The following PCDH15 variants were observed in gnomAD, a reference collection of about 807,000 sequenced individuals.
The protein encoded by PCDH15 is protocadherin-15.
PCDH15 carries 129 observed loss-of-function variants against 178.5 expected under a neutral mutation model. The observed-to-expected ratio is 0.72, with a 90% CI of 0.63 to 0.84. The LOEUF is 0.84. PCDH15 is among the 40% of genes least tolerant of loss of function. The pLI is 0.00. For synonymous variants in PCDH15, 800 were observed against 732.0 expected (o/e 1.09, Z -1.50); for missense variants, 2,230 against 2,099.9 (o/e 1.06, Z -1.21).
At chr10:55,076,133 CT>C (rs948144876) in intron 2 of PCDH15, among the ~76,000 whole-genome samples, 2 of 152,026 alleles carry the variant, frequency 1.3e-5, no homozygotes, top group African/African-American at 4.8e-5. Flanking sequence ...AAAAATGAGA[CT>C]TGTTTTGTAA....
In PCDH15 at chr10:53,803,714, A is replaced by G. The variant is rs1589051017; in HGVS notation, c.*2865T>C. The G allele has an allele frequency of 6.6e-6, 1 of 151,918 alleles. No individual in the cohort carries two copies. The highest frequency in any genetic ancestry group is 2.1e-4 in the South Asian group (1 of 4,832). 9.4% of individuals were successfully genotyped at this position (151,918 alleles called of 1,614,324 possible). A position where few individuals can be genotyped will look rare whatever the true frequency, so the allele number is the denominator to read the frequency against. ...ACAAATGTCCTATGTCACTCTGACC[A>G]TATTTTCTCATTCTTCCTCTGCTTT... is the stretch of plus-strand genomic sequence containing the variant. On this transcript the variant is annotated 3_prime_UTR_variant, in exon 38 of 38. Transcript: ENST00000644397.
intron 3 of PCDH15, among the ~76,000 whole-genome samples, chr10:54,387,814 C>A (rs1371697973): frequency 6.6e-6 from 1 of 152,156 alleles, no homozygotes; most frequent in Non-Finnish European, 1.5e-5. Flanking sequence ...CTGATTAAAG[C>A]CTTCTTCCTT....
At chr10:54,920,101 A>G (rs1015988385) in intron 2 of PCDH15, among the ~76,000 whole-genome samples, 1 of 152,190 alleles carries the variant, frequency 6.6e-6, no homozygotes, top group African/African-American at 2.4e-5. Flanking sequence ...TTACGTATCC[A>G]TACTTTTTAA....
intron 3 of PCDH15, among the ~76,000 whole-genome samples, chr10:54,869,955 CAT>C (rs1158838401): frequency 2.6e-5 from 4 of 152,310 alleles, no homozygotes; most frequent in African/African-American, 7.2e-5. Context: ...TTGGAACTGA[CAT>C]AAAATATCAC....
At chr10:55,206,868 T>C (rs973243736) in intron 1 of PCDH15, among the ~76,000 whole-genome samples, 1 of 152,028 alleles carries the variant, frequency 6.6e-6, no homozygotes, top group African/African-American at 2.4e-5. Context: ...AAGCTAAAAG[T>C]AGATAGATAT....
At position 55,188,751 on chromosome 10, in the gene PCDH15, TTA is replaced by T. The variant is rs1424011251; in HGVS notation, c.-155-22102_-155-22101del. On this transcript the variant is annotated intron_variant, in intron 1 of 5. Transcript: ENST00000458638. ...AAAAATCTCAATAGCCTTTGCTATT[TTA>T]TCTTATTTTTACATACATGTGTATA... Among the ~76,000 whole-genome samples the T allele has an allele frequency of 2.6e-5, 4 of 151,998 alleles. No individual in the cohort carries two copies. The East Asian group carries it at 7.8e-4, about 29-fold the overall frequency.
chr10:53,998,365 T>C (rs1441448781), intron 20 of PCDH15, among the ~76,000 whole-genome samples: 1 of 152,182 alleles, frequency 6.6e-6, no homozygotes, highest in Non-Finnish European at 1.5e-5. Context: ...AAAATGGTTA[T>C]ACTCATAAAG....
chr10:54,996,507 C>T (rs1025904869), intron 2 of PCDH15, among the ~76,000 whole-genome samples: 7 of 152,092 alleles, frequency 4.6e-5, no homozygotes, highest in Non-Finnish European at 8.8e-5. Context: ...GATGTAGTCA[C>T]GGGAGGTCAG....
intron 15 of PCDH15, among the ~76,000 whole-genome samples, chr10:54,098,164 T>G (rs1590401644): frequency 6.6e-6 from 1 of 151,710 alleles, no homozygotes; most frequent in East Asian, 1.9e-4. Context: ...TATTAATTGC[T>G]TCCAAACTTG....
chr10:53,962,226 C>G (rs1190436604), intron 21 of PCDH15, among the ~76,000 whole-genome samples: 1 of 152,000 alleles, frequency 6.6e-6, no homozygotes, highest in Non-Finnish European at 1.5e-5. Context: ...TTTTTAAATT[C>G]AGAGACAGGG....
chr10:54,718,684 C>CTTT (rs71461255), intron 1 of PCDH15, among the ~76,000 whole-genome samples: 104 of 111,502 alleles, frequency 9.3e-4, no homozygotes, highest in Non-Finnish European at 1.2e-3. Flanking sequence ...CACACTGATT[C>CTTT]TTTTTTTTTT....
chr10:55,331,932 A>G (rs1009892233), intron 2 of PCDH15, among the ~76,000 whole-genome samples: 2 of 152,166 alleles, frequency 1.3e-5, no homozygotes, highest in Non-Finnish European at 2.9e-5. Context: ...AGAGGAAGGA[A>G]GTGAAGATGA....
At chr10:55,030,998 T>A (rs1006033255) in intron 2 of PCDH15, among the ~76,000 whole-genome samples, 2 of 104,822 alleles carry the variant, frequency 1.9e-5, no homozygotes, top group Non-Finnish European at 4.3e-5. Flanking sequence ...TGAAAAGAAA[T>A]GCAGATTTTT....
intron 15 of PCDH15, among the ~76,000 whole-genome samples, chr10:54,129,750 T>G (rs2042272753): frequency 6.6e-6 from 1 of 152,122 alleles, no homozygotes; most frequent in Non-Finnish European, 1.5e-5. Flanking sequence ...AGTCCCACAG[T>G]GGGTCTTATG....
intron 1 of PCDH15, among the ~76,000 whole-genome samples, chr10:54,713,474 A>G (rs2095446201): frequency 6.6e-6 from 1 of 152,050 alleles, no homozygotes; most frequent in African/African-American, 2.4e-5. Context: ...GCTTTATGCT[A>G]ATTAGTGTTG....
At chr10:54,594,498 C>T (rs1172260161) in intron 2 of PCDH15, among the ~76,000 whole-genome samples, 1 of 152,116 alleles carries the variant, frequency 6.6e-6, no homozygotes, top group Non-Finnish European at 1.5e-5. Flanking sequence ...GGGGGCCTGC[C>T]TCATTGCTCC....
At chr10:54,495,708 T>C (rs1159836504) in intron 3 of PCDH15, among the ~76,000 whole-genome samples, 2 of 152,160 alleles carry the variant, frequency 1.3e-5, no homozygotes, top group Admixed American at 6.6e-5. Context: ...CACCTCTAAC[T>C]TATCTTCCCC....
intron 3 of PCDH15, among the ~76,000 whole-genome samples, chr10:54,390,331 C>A (rs1467379951): frequency 1.3e-5 from 2 of 152,078 alleles, no homozygotes; most frequent in African/African-American, 2.4e-5. Flanking sequence ...CTCGTTCTGT[C>A]GCCCAGGCTG....
intron 2 of PCDH15, among the ~76,000 whole-genome samples, chr10:54,540,131 A>C (rs2085045374): frequency 6.6e-6 from 1 of 152,160 alleles, no homozygotes; most frequent in South Asian, 2.1e-4. Flanking sequence ...AGCTACCTGA[A>C]GAAAATAAAT....
Sources: allele counts gnomAD v4.1 joint callset (sites outside exome capture counted in the v4.1 genomes callset), GRCh38; gene constraint gnomAD v4.1.1; transcripts MANE v1.5; gene names NCBI Gene and HGNC (gene_info 2026-07-23, HGNC 2026-07-21).